The following FMNL2 variants were observed in gnomAD, a reference collection of about 807,000 sequenced individuals.
FMNL2 encodes the protein formin like 2.
FMNL2 carries 51 observed loss-of-function variants against 130.2 expected under a neutral mutation model. The observed-to-expected ratio is 0.39, with a 90% confidence interval of 0.31 to 0.49. The LOEUF is 0.49. Among genes scored for constraint, FMNL2 ranks in the 20% least tolerant of loss-of-function variants. The pLI, the probability that FMNL2 is intolerant of heterozygous loss-of-function variation, is 0.85. For synonymous variants in FMNL2, 465 were observed against 467.1 expected (o/e 1.00, Z 0.06); for missense variants, 977 against 1,316.2 (o/e 0.74, Z 3.99).
chr2:152,642,176 G>A (rs890538657), intron 25 of FMNL2, among the ~76,000 whole-genome samples: 12 of 152,212 alleles, frequency 7.9e-5, no homozygotes, highest in Middle Eastern at 3.4e-3. Context: ...TCCTGACCTC[G>A]TGATCTGCCC....
chr2:152,521,953 A>G lies in FMNL2; in HGVS notation c.128A>G (p.Asn43Ser), dbSNP rs776128288. ...ATTTTTTTTAAACAGAATGCTATGA[A>G]CCTACCTCCTGACAAAGCCAGGTTA... is the stretch of plus-strand genomic sequence containing the variant. Reference protein sequence around the residue: ...ERFAIVLNAMNLPPDKARLLR... With the variant: ...ERFAIVLNAMSLPPDKARLLR... Residue 43 changes from asparagine to serine, a missense_variant, in exon 2 of 26, where the codon AAC becomes AGC. Transcript: ENST00000288670. The G allele has an allele frequency of 6.2e-7, 1 of 1,612,822 alleles. No homozygotes were observed. Among genetic ancestry groups the G allele is most frequent in the Non-Finnish European group, 8.5e-7 (1 of 1,179,298 alleles).
intron 1 of FMNL2, among the ~76,000 whole-genome samples, chr2:152,355,084 G>C (rs569097037): frequency 6.6e-6 from 1 of 152,304 alleles, no homozygotes; most frequent in South Asian, 2.1e-4. Context: ...ATAATAGCAT[G>C]CCTGGCCTAG....
At chr2:152,625,692 A>G (rs1378459546) in intron 16 of FMNL2, 130 bp downstream of exon 16, 1 of 1,055,620 alleles carries the variant, frequency 9.5e-7, no homozygotes, top group African/African-American at 1.6e-5. Flanking sequence ...AAGAAGAAAC[A>G]TGTATGTAAT....
chr2:152,543,966 G>A (rs181337542), intron 3 of FMNL2, among the ~76,000 whole-genome samples: 58 of 152,118 alleles, frequency 3.8e-4, no homozygotes, highest in East Asian at 2.1e-3. Context: ...TTCTCCCCTC[G>A]TAAATGTGGC....
chr2:152,543,729 C>CAAAAAAAAAAAAAAAAA (rs71394490), intron 3 of FMNL2, among the ~76,000 whole-genome samples: 1 of 61,396 alleles, frequency 1.6e-5, no homozygotes, highest in Non-Finnish European at 2.8e-5. Flanking sequence ...ACCCCCCGAC[C>CAAAAAAAAAAAAAAAAA]AAAAAAAAAA....
chr2:152,373,065 A>G (rs1683971913), intron 1 of FMNL2, among the ~76,000 whole-genome samples: 1 of 147,730 alleles, frequency 6.8e-6, no homozygotes, highest in Non-Finnish European at 1.5e-5. Flanking sequence ...AGGTTGTGTA[A>G]CTTGGAACTA....
chr2:152,611,462 A>G (rs1698679082), intron 10 of FMNL2, 33 bp from the exon 11 acceptor site: 1 of 1,315,740 alleles, frequency 7.6e-7, no homozygotes, highest in Non-Finnish European at 1.1e-6. Context: ...AAAAGTTTGG[A>G]GCCCATCTAA....
At chr2:152,342,874 A>G (rs1208283877) in intron 1 of FMNL2, among the ~76,000 whole-genome samples, 1 of 152,232 alleles carries the variant, frequency 6.6e-6, no homozygotes, top group African/African-American at 2.4e-5. Flanking sequence ...TTTACCAGGT[A>G]TGATGGTATT....
Position 152,391,902 on chromosome 2 carries a change from G to T in FMNL2, c.117+56182G>T, listed in dbSNP as rs536442625. Among the ~76,000 whole-genome samples the T allele has an allele frequency of 9.6e-4, 93 of 96,654 alleles. 1 individual carries two copies. The highest frequency in any genetic ancestry group is 3.1e-3 in the African/African-American group (87 of 28,246). 63.4% of individuals were successfully genotyped at this position (96,654 alleles called of 152,430 possible). ...AAAAGATACAGAAGACTGGGAGCTA[G>T]AAGTTGTTTTTTTTTTTTTTTTTTC... is the stretch of plus-strand genomic sequence containing the variant. On this transcript the variant is annotated intron_variant, in intron 1 of 25. Transcript: ENST00000288670.
chr2:152,565,058 G>A (rs543749520), intron 6 of FMNL2, among the ~76,000 whole-genome samples: 2 of 152,134 alleles, frequency 1.3e-5, no homozygotes, highest in East Asian at 1.9e-4. Flanking sequence ...CTGTCAGTGC[G>A]GCTACAGAGC....
At chr2:152,615,796 A>AG (rs1698915441) in intron 12 of FMNL2, among the ~76,000 whole-genome samples, 1 of 152,064 alleles carries the variant, frequency 6.6e-6, no homozygotes, top group Non-Finnish European at 1.5e-5. Context: ...CTCCTTTTGG[A>AG]GGATTATTAT....
chr2:152,594,816 A>G (rs746484338), intron 9 of FMNL2, among the ~76,000 whole-genome samples: 37 of 152,276 alleles, frequency 2.4e-4, no homozygotes, highest in Admixed American at 5.9e-4. Flanking sequence ...CTTTAATTCT[A>G]TGTATCAGTC....
chr2:152,465,693 A>G (rs1340281376), intron 1 of FMNL2, among the ~76,000 whole-genome samples: 2 of 152,224 alleles, frequency 1.3e-5, no homozygotes, highest in East Asian at 3.8e-4. Flanking sequence ...AAGGCTCAGA[A>G]TTGTCCACTG....
intron 1 of FMNL2, among the ~76,000 whole-genome samples, chr2:152,387,893 A>G (rs919405155): frequency 1.3e-5 from 2 of 151,792 alleles, no homozygotes; most frequent in South Asian, 2.1e-4. Context: ...GGCTCACACA[A>G]TCCTCTTGAC....
chr2:152,576,055 A>G (rs1169259983), intron 7 of FMNL2, among the ~76,000 whole-genome samples: 1 of 152,166 alleles, frequency 6.6e-6, no homozygotes, highest in Non-Finnish European at 1.5e-5. Context: ...AAGCAGGGGT[A>G]CAGGGGTTCC....
chr2:152,615,782 G>A (rs1698914427), intron 12 of FMNL2, among the ~76,000 whole-genome samples: 1 of 152,180 alleles, frequency 6.6e-6, no homozygotes, highest in South Asian at 2.1e-4. Flanking sequence ...ATGAAATGAA[G>A]TGTCTCCTTT....
chr2:152,508,322 C>A (rs1425773870), intron 1 of FMNL2, among the ~76,000 whole-genome samples: 1 of 152,082 alleles, frequency 6.6e-6, no homozygotes, highest in Non-Finnish European at 1.5e-5. Flanking sequence ...TTAGGAATCT[C>A]TTGATCCTGT....
rs764161143 is a variant in FMNL2 at position 152,617,137 on chromosome 2, T to C, written c.1259T>C (p.Ile420Thr). Residue 420 changes from isoleucine to threonine, a missense_variant, in exon 13 of 26, where the codon ATT (isoleucine) becomes ACT (threonine). Physicochemically the swap from Ile to Thr is moderately conservative, Grantham distance 89. This residue lies in a region of FMNL2 where 689 missense variants were observed against 995.9 expected (regional missense o/e 0.69). Transcript: ENST00000288670. ...QDTENEAMSK[I>T]VELEKQLMQR... ...ACAGAGAATGAAGCCATGTCCAAGA[T>C]TGTGGAACTGGAAAAGCAACTCATG... 16 of 1,613,942 alleles carry C rather than the reference T, an allele frequency of 9.9e-6. No individual in the cohort carries two copies. Among genetic ancestry groups the C allele is most frequent in the Non-Finnish European group, 1.1e-5 (13 of 1,179,876 alleles).
intron 1 of FMNL2, among the ~76,000 whole-genome samples, chr2:152,447,342 A>G (rs1202414286): frequency 6.6e-6 from 1 of 152,162 alleles, no homozygotes; most frequent in Non-Finnish European, 1.5e-5. Context: ...AGCTCAAGCC[A>G]TCCTCCCACC....
Sources: allele counts gnomAD v4.1 joint callset (sites outside exome capture counted in the v4.1 genomes callset), GRCh38; gene constraint gnomAD v4.1.1; regional missense constraint gnomAD v4.1.1; transcripts MANE v1.5; gene names NCBI Gene and HGNC (gene_info 2026-07-23, HGNC 2026-07-21).